The following ATP2A2 variants were observed in gnomAD, a reference collection of about 807,000 sequenced individuals.
The protein encoded by ATP2A2 is sarcoplasmic/endoplasmic reticulum calcium ATPase 2.
ATP2A2 carries 14 observed loss-of-function variants against 109.3 expected under a neutral mutation model. The ratio of observed to expected loss-of-function variants is 0.13; its 90% CI spans 0.08 to 0.20. ATP2A2 has a LOEUF of 0.20. ATP2A2 is among the 10% of genes least tolerant of loss of function. The pLI, the probability that ATP2A2 is intolerant of heterozygous loss-of-function variation, is 1.00. For synonymous variants in ATP2A2, 506 were observed against 490.9 expected (o/e 1.03, Z -0.41); for missense variants, 657 against 1,321.6 (o/e 0.50, Z 7.80).
intron 11 of ATP2A2, among the ~76,000 whole-genome samples, chr12:110,335,214 C>G (rs1331311230): frequency 6.6e-6 from 1 of 152,098 alleles, no homozygotes; most frequent in Non-Finnish European, 1.5e-5. Context: ...GCAGTACTGC[C>G]CTTAGATTTC....
chr12:110,302,283 C>T (rs967001087), intron 5 of ATP2A2, among the ~76,000 whole-genome samples: 7 of 152,318 alleles, frequency 4.6e-5, no homozygotes, highest in Non-Finnish European at 1.0e-4. Flanking sequence ...CAGTTCCCCT[C>T]TTCCCTGGCC....
At position 110,350,083 on chromosome 12, in the gene ATP2A2, T is replaced by A; in HGVS notation, c.*3613T>A. 1 of 1,450,532 alleles carries A rather than the reference T, an allele frequency of 6.9e-7. No homozygotes were observed. Among genetic ancestry groups the A allele is most frequent in the Non-Finnish European group, 9.0e-7 (1 of 1,106,994 alleles). The allele number at this position is 1,450,532 out of a possible 1,614,324, so 89.9% of individuals were successfully genotyped here. A position where few individuals can be genotyped will look rare whatever the true frequency, so the allele number is the denominator to read the frequency against. On this transcript the variant is annotated 3_prime_UTR_variant, in exon 20 of 20. Transcript: ENST00000539276. ...GTAGCCAGACGACACGAGGAGTCTG[T>A]GTCACTGAGCCAGTGCTTCTAGATG...
chr12:110,296,828 T>TATGA, intron 5 of ATP2A2, 91 bp downstream of exon 5: 2 of 1,387,234 alleles, frequency 1.4e-6, no homozygotes, highest in Non-Finnish European at 2.0e-6. Context: ...TTAAAATAAT[T>TATGA]GTTTTCATGT....
chr12:110,296,354 T>C (rs937316529), intron 4 of ATP2A2: 17 of 499,070 alleles, frequency 3.4e-5, no homozygotes, highest in African/African-American at 3.1e-4. Context: ...CAGCAGAGTC[T>C]GTAATTGCTT....
intron 5 of ATP2A2, among the ~76,000 whole-genome samples, chr12:110,313,916 G>A (rs1876380934): frequency 6.6e-6 from 1 of 150,872 alleles, no homozygotes; most frequent in South Asian, 2.1e-4. Flanking sequence ...GTTTCACCAT[G>A]TTGGCCAGGC....
In ATP2A2 at chr12:110,348,415, AT is replaced by A. The variant is rs1469208286; in HGVS notation, c.*1946del. ...TGAGGCCTCGACTATATTCTTCAAA[AT>A]GTACTTAGGCTCTGGTTACTGGGAT... On this transcript the variant is annotated 3_prime_UTR_variant, in exon 20 of 20. Coordinates refer to ENST00000539276, the MANE Select transcript of ATP2A2 (RefSeq NM_170665.4). 1 of 985,454 alleles carries A rather than the reference AT, an allele frequency of 1.0e-6. No individual in the cohort carries two copies. Among genetic ancestry groups the A allele is most frequent in the Admixed American group, 6.1e-5 (1 of 16,278 alleles). The allele number at this position is 985,454 out of a possible 1,614,324, so 61.0% of individuals were successfully genotyped here.
intron 5 of ATP2A2, among the ~76,000 whole-genome samples, chr12:110,310,432 C>G (rs1174069160): frequency 1.3e-5 from 2 of 152,166 alleles, no homozygotes; most frequent in African/African-American, 2.4e-5. Context: ...AGCTAGAAGT[C>G]TTAGTTTTAG....
intron 10 of ATP2A2, 31 bp downstream of exon 10, chr12:110,333,314 C>A: frequency 6.4e-7 from 1 of 1,561,422 alleles, no homozygotes; most frequent in Non-Finnish European, 8.8e-7. Flanking sequence ...GAAGGAATGG[C>A]TGTTCCTAGT....
intron 6 of ATP2A2, 60 bp downstream of exon 6, chr12:110,323,132 A>ATTGGCATG: frequency 5.4e-6 from 7 of 1,297,980 alleles, no homozygotes; most frequent in African/African-American, 1.5e-5. Context: ...CCATGCCAAT[A>ATTGGCATG]GAGTTGGCTC....
In ATP2A2 at chr12:110,340,454, C is replaced by G. The variant is rs1218350622; in HGVS notation, c.1762-205C>G. 6.6e-6 allele frequency among the ~76,000 whole-genome samples: 1 copy of G among 151,512 alleles called. No homozygotes were observed. The highest frequency in any genetic ancestry group is 1.5e-5 in the Non-Finnish European group (1 of 67,970). On this transcript the variant is annotated intron_variant, in intron 13 of 19. Transcript: ENST00000539276. The surrounding 1 kb of genome is among the most constrained non-coding windows in gnomAD (Gnocchi z 6.0). ...CCTGGAGGCTGAGGCAGAAGAGTCTCTTGAACCTGGGAGGCGGAGGTCGCA... is the reference window on the plus strand; with the variant it reads ...CCTGGAGGCTGAGGCAGAAGAGTCTGTTGAACCTGGGAGGCGGAGGTCGCA...
chr12:110,349,585 C>G lies in ATP2A2; in HGVS notation c.*3115C>G, dbSNP rs1880209139. 2 of 986,468 alleles carry G rather than the reference C, an allele frequency of 2.0e-6. No homozygotes were observed. The highest frequency in any genetic ancestry group is 1.7e-5 in the African/African-American group (1 of 57,260). 61.1% of individuals were successfully genotyped at this position (986,468 alleles called of 1,614,324 possible). A position where few individuals can be genotyped will look rare whatever the true frequency, so the allele number is the denominator to read the frequency against. Reference sequence around the variant, plus strand: ...GCCGACTTCCCTCACAACAGCTGCTCCCACATCCCCTCGGACTGGAGCTTC... The same window carrying G: ...GCCGACTTCCCTCACAACAGCTGCTGCCACATCCCCTCGGACTGGAGCTTC... On this transcript the variant is annotated 3_prime_UTR_variant, in exon 20 of 20. Coordinates refer to ENST00000539276, the MANE Select transcript of ATP2A2 (RefSeq NM_170665.4).
At chr12:110,291,964 A>G (rs917636786) in intron 3 of ATP2A2, 56 bp from the exon 4 acceptor site, 1 of 1,500,396 alleles carries the variant, frequency 6.7e-7, no homozygotes. Flanking sequence ...GCCACTTTTT[A>G]AAAAAGTGAC....
At chr12:110,282,002 C>A in intron 1 of ATP2A2, 95 bp downstream of exon 1, 1 of 978,858 alleles carries the variant, frequency 1.0e-6, no homozygotes, top group Non-Finnish European at 1.4e-6. Context: ...TTCGGCTCCG[C>A]GCCCGCCGAC....
At position 110,296,698 on chromosome 12, in the gene ATP2A2, G is replaced by A. The variant is rs937380424; in HGVS notation, c.424G>A (p.Ala142Thr). ...CAGAAAGAGTGTGCAGCGGATTAAA[G>A]CTAAAGACATAGTTCCTGGTGATAT... The part of the protein sequence containing the change: ...QDRKSVQRIK[A>T]KDIVPGDIVE... Residue 142 changes from alanine (A) to threonine (T), a missense_variant, in exon 5 of 20, where the codon GCT becomes ACT. This residue lies in a region of ATP2A2 where 136 missense variants were observed against 343.9 expected (regional missense o/e 0.40). Transcript: ENST00000539276. 2 of 1,614,032 alleles carry A rather than the reference G, an allele frequency of 1.2e-6. No individual in the cohort carries two copies. Among genetic ancestry groups the A allele is most frequent in the Non-Finnish European group, 1.7e-6 (2 of 1,180,038 alleles).
At chr12:110,303,452 C>T (rs1874901923) in intron 5 of ATP2A2, among the ~76,000 whole-genome samples, 1 of 152,010 alleles carries the variant, frequency 6.6e-6, no homozygotes. Flanking sequence ...CGCTCTGTTG[C>T]CAGGCTGGAG....
intron 5 of ATP2A2, among the ~76,000 whole-genome samples, chr12:110,301,435 CTG>C (rs1164119237): frequency 6.6e-6 from 1 of 152,170 alleles, no homozygotes; most frequent in Non-Finnish European, 1.5e-5. Flanking sequence ...ACCTAATTAA[CTG>C]TGAGAAACTT....
chr12:110,347,592 TA>T lies in ATP2A2; in HGVS notation c.*1126del, dbSNP rs1487238612. ...TATGTGTGTGTATGTGTGTGTTTTG[TA>T]AAATCTGTAAATAGCACATGACCAA... On this transcript the variant is annotated 3_prime_UTR_variant, in exon 20 of 20. Transcript: ENST00000539276. 1 of 1,236,942 alleles carries T rather than the reference TA, an allele frequency of 8.1e-7. No individual in the cohort carries two copies. The highest frequency in any genetic ancestry group is 1.6e-5 in the African/African-American group (1 of 64,168). The allele number at this position is 1,236,942 out of a possible 1,614,324, so 76.6% of individuals were successfully genotyped here. A position where few individuals can be genotyped will look rare whatever the true frequency, so the allele number is the denominator to read the frequency against.
rs1397518684 is a variant in ATP2A2, at chr12:110,339,882, GCTT to G, written c.1761+163_1761+165del. Reference sequence around the variant, plus strand: ...AGCTGTGTCACCCTTAAAATTTGCTGCTTCAAACATACATAGTTAATAATTTCA... The same window carrying G: ...AGCTGTGTCACCCTTAAAATTTGCTGCAAACATACATAGTTAATAATTTCA... On this transcript the variant is annotated intron_variant, in intron 13 of 19. Transcript: ENST00000539276. This position sits in a 1 kb window ranked among gnomAD's most constrained non-coding sequence, Gnocchi z 4.4. Among the ~76,000 whole-genome samples the G allele has an allele frequency of 1.3e-5, 2 of 152,140 alleles. No homozygotes were observed. Among genetic ancestry groups the G allele is most frequent in the Non-Finnish European group, 2.9e-5 (2 of 68,016 alleles).
chr12:110,323,493 G>A (rs962566058), intron 6 of ATP2A2, among the ~76,000 whole-genome samples: 3 of 152,062 alleles, frequency 2.0e-5, no homozygotes, highest in South Asian at 2.1e-4. Context: ...CTGCCGATAC[G>A]GTTTTAAAGG....
Sources: gnomAD v4.1 joint callset for allele counts (sites outside exome capture counted in the v4.1 genomes callset) on GRCh38, gnomAD v4.1.1 for gene constraint, gnomAD v4.1.1 regional missense constraint, Gnocchi (gnomAD v3.1) non-coding constraint, MANE v1.5 for transcripts, NCBI Gene and HGNC (gene_info 2026-07-23, HGNC 2026-07-21) for gene names.